Variants in ANK2 observed in about 807,000 individuals in gnomAD.
The protein encoded by ANK2 is ankyrin-2.
Under a neutral mutation model 360.5 loss-of-function variants are expected in ANK2, and 83 were observed. That is an observed-to-expected ratio of 0.23 (90% CI 0.19 to 0.28). The LOEUF (loss-of-function observed/expected upper bound fraction) is 0.28, where lower values mean the gene tolerates loss of function less well. Ranked by LOEUF, ANK2 falls within the 10% of genes least tolerant of loss-of-function variation. The pLI is 1.00. For missense variants in ANK2, 4,201 were observed against 4,795.7 expected (o/e 0.88, Z 3.66); for synonymous variants, 1,740 against 1,759.5 (o/e 0.99, Z 0.28).
At chr4:113,090,427 G>A (rs1421354785) in intron 1 of ANK2, among the ~76,000 whole-genome samples, 1 of 152,108 alleles carries the variant, frequency 6.6e-6, no homozygotes, top group Non-Finnish European at 1.5e-5. Flanking sequence ...ATGAATAGGT[G>A]AGACGTTAGA....
the ANK2 span, among the ~76,000 whole-genome samples, chr4:112,775,619 A>G: frequency 2.0e-5 from 3 of 151,966 alleles, no homozygotes; most frequent in Non-Finnish European, 4.4e-5. Flanking sequence ...TTAACTGAGA[A>G]GGGAAGGTAG....
At chr4:113,315,822 G>A (rs1170961528) in intron 24 of ANK2, among the ~76,000 whole-genome samples, 3 of 150,526 alleles carry the variant, frequency 2.0e-5, no homozygotes, top group South Asian at 4.2e-4. Flanking sequence ...TGGTGAACCT[G>A]GGAGGCGGAG....
At position 113,021,541 on chromosome 4, in the gene ANK2, C is replaced by CACACACACATATAT. The variant is rs1489947974; in HGVS notation, c.21+117028_21+117029insCACACACATATATA. ...ATACACACACACACCCACACACAAA[C>CACACACACATATAT]ATATATATATATATATATATATATA... On this transcript the variant is annotated intron_variant, in intron 2 of 30. Transcript: ENST00000503271. 4.7e-3 allele frequency among the ~76,000 whole-genome samples: 449 copies of CACACACACATATAT among 95,598 alleles called. 16 individuals are homozygous for CACACACACATATAT. Among genetic ancestry groups the CACACACACATATAT allele is most frequent in the African/African-American group, 0.015 (384 of 26,144 alleles). 62.7% of individuals were successfully genotyped at this position (95,598 alleles called of 152,430 possible). A position where few individuals can be genotyped will look rare whatever the true frequency, so the allele number is the denominator to read the frequency against.
At chr4:112,978,249 A>G (rs2042061663) in intron 2 of ANK2, among the ~76,000 whole-genome samples, 1 of 152,144 alleles carries the variant, frequency 6.6e-6, no homozygotes, top group Non-Finnish European at 1.5e-5. Flanking sequence ...GTCTCAAGAA[A>G]AAAAAAAAAG....
intron 34 of ANK2, 50 bp from the exon 35 acceptor site, chr4:113,345,850 A>T (rs372587287): frequency 2.3e-5 from 37 of 1,608,762 alleles, no homozygotes; most frequent in Non-Finnish European, 2.9e-5. Flanking sequence ...AGTTAAAGTA[A>T]ATACTGCAAA....
intron 2 of ANK2, among the ~76,000 whole-genome samples, chr4:112,953,786 G>T (rs1187701721): frequency 6.6e-6 from 1 of 152,126 alleles, no homozygotes; most frequent in Admixed American, 6.5e-5. Flanking sequence ...ATTACCAGGT[G>T]CTTGGTGGTT....
the ANK2 span, among the ~76,000 whole-genome samples, chr4:112,787,188 T>TA: frequency 6.6e-6 from 1 of 152,222 alleles, no homozygotes; most frequent in African/African-American, 2.4e-5. Context: ...AAGATTAGAT[T>TA]AAAAATCACT....
chr4:113,150,194 C>T (rs947420268), intron 1 of ANK2, among the ~76,000 whole-genome samples: 1 of 152,130 alleles, frequency 6.6e-6, no homozygotes, highest in Non-Finnish European at 1.5e-5. Flanking sequence ...GCTAATTAAG[C>T]AGCTGTTACT....
At chr4:112,915,071 G>A (rs1325623893) in intron 2 of ANK2, among the ~76,000 whole-genome samples, 1 of 151,980 alleles carries the variant, frequency 6.6e-6, no homozygotes, top group Non-Finnish European at 1.5e-5. Flanking sequence ...CTAAATTTAG[G>A]GCCTATATGT....
chr4:113,374,017 G>A (rs770139120), intron 45 of ANK2, among the ~76,000 whole-genome samples: 7 of 152,120 alleles, frequency 4.6e-5, no homozygotes, highest in South Asian at 2.1e-4. Context: ...CTCCACCTCC[G>A]GGTTCAAGCA....
intron 2 of ANK2, among the ~76,000 whole-genome samples, chr4:113,193,832 G>T (rs2098708962): frequency 6.6e-6 from 1 of 152,016 alleles, no homozygotes; most frequent in South Asian, 2.1e-4. Flanking sequence ...AAACTTTCAA[G>T]AACTCATATA....
At chr4:113,292,583 T>C in intron 21 of ANK2, 69 bp downstream of exon 21, 1 of 1,449,804 alleles carries the variant, frequency 6.9e-7, no homozygotes, top group East Asian at 2.5e-5. Flanking sequence ...TGGCTTCTTG[T>C]CTGAGCTGAG....
chr4:112,988,542 G>A (rs1476705388), intron 2 of ANK2, among the ~76,000 whole-genome samples: 3 of 152,172 alleles, frequency 2.0e-5, no homozygotes, highest in African/African-American at 7.2e-5. Flanking sequence ...AAAGGGAGAG[G>A]AAACAGTTTG....
At position 112,901,671 on chromosome 4, in the gene ANK2, A is replaced by T. The variant is rs368094379; in HGVS notation, c.-39-2784A>T. 2.6e-5 allele frequency among the ~76,000 whole-genome samples: 4 copies of T among 151,656 alleles called. No homozygotes were observed. In the South Asian group the frequency reaches 8.3e-4, roughly 32 times the overall value. On this transcript the variant is annotated intron_variant, in intron 1 of 30. Transcript: ENST00000503271. The stretch of plus-strand genomic sequence containing the variant: ...AGGTCAGGAGTTCGAGACCAGCCTG[A>T]CCAACATGGTGAAACCCCGTCTCTA...
chr4:113,244,940 T>C (rs549834087), intron 9 of ANK2, among the ~76,000 whole-genome samples: 43 of 152,314 alleles, frequency 2.8e-4, no homozygotes, highest in Admixed American at 6.5e-4. Flanking sequence ...GCAAAGGACA[T>C]GAACTCATCC....
intron 2 of ANK2, among the ~76,000 whole-genome samples, chr4:112,992,890 T>C (rs1345663429): frequency 6.6e-6 from 1 of 152,232 alleles, no homozygotes; most frequent in African/African-American, 2.4e-5. Context: ...GTTCTTAAAA[T>C]GTTGTATCTA....
At chr4:113,144,882 C>A (rs1295874181) in intron 1 of ANK2, among the ~76,000 whole-genome samples, 3 of 149,266 alleles carry the variant, frequency 2.0e-5, no homozygotes, top group African/African-American at 7.4e-5. Context: ...AAAGCTTAAT[C>A]CATATTAGTC....
chr4:112,794,835 C>T, the ANK2 span, among the ~76,000 whole-genome samples: 2 of 152,232 alleles, frequency 1.3e-5, no homozygotes, highest in East Asian at 1.9e-4. Flanking sequence ...AGGGTAACAC[C>T]GCTTTTTCCA....
intron 1 of ANK2, among the ~76,000 whole-genome samples, chr4:113,052,961 G>GT (rs995496795): frequency 2.0e-5 from 3 of 152,192 alleles, no homozygotes; most frequent in African/African-American, 7.2e-5. Flanking sequence ...AGGCTAGAGC[G>GT]TTACTAAAGC....
Sources: allele counts gnomAD v4.1 joint callset (sites outside exome capture counted in the v4.1 genomes callset), GRCh38; gene constraint gnomAD v4.1.1; transcripts MANE v1.5; gene names NCBI Gene and HGNC (gene_info 2026-07-23, HGNC 2026-07-21).